Variants in RBFOX3 observed in about 807,000 individuals in gnomAD.
The protein encoded by RBFOX3 is RNA binding fox-1 homolog 3.
In RBFOX3, 17 loss-of-function variants were observed where a neutral mutation model predicts 48.7. The observed-to-expected ratio is 0.35, with a 90% CI of 0.24 to 0.52. The LOEUF (loss-of-function observed/expected upper bound fraction) is 0.52, where lower values mean the gene tolerates loss of function less well. RBFOX3 is among the 20% of genes least tolerant of loss of function. The pLI, the probability that RBFOX3 is intolerant of heterozygous loss-of-function variation, is 0.94. For synonymous variants in RBFOX3, 212 were observed against 209.5 expected, an observed-to-expected ratio of 1.01 and a Z score of -0.10; for missense variants, 382 against 497.5, an observed-to-expected ratio of 0.77 and a Z score of 2.21.
chr17:79,607,731 G>C (rs1468865301), intron 1 of RBFOX3, among the ~76,000 whole-genome samples: 5 of 152,336 alleles, frequency 3.3e-5, no homozygotes, highest in African/African-American at 1.2e-4. Context: ...AGGGCTGAAT[G>C]TGGCTGGGAG....
chr17:79,214,014 C>T lies in RBFOX3; in HGVS notation c.-34+21752G>A, dbSNP rs1012053053. 3.3e-5 allele frequency among the ~76,000 whole-genome samples: 5 copies of T among 152,182 alleles called. No individual in the cohort carries two copies. The highest frequency in any genetic ancestry group is 2.0e-4 in the Admixed American group (3 of 15,284). On this transcript the variant is annotated intron_variant, in intron 4 of 14. Transcript: ENST00000693108. The surrounding 1 kb of genome is among the most constrained non-coding windows in gnomAD (Gnocchi z 4.7). ...AGCGGATCAGACTTGGTTCCGTTTCCGAAGGTGGTGCCAGCGGATGTTGGG... is the reference window on the plus strand; with the variant it reads ...AGCGGATCAGACTTGGTTCCGTTTCTGAAGGTGGTGCCAGCGGATGTTGGG...
chr17:79,176,990 G>A (rs2050697969), intron 4 of RBFOX3, among the ~76,000 whole-genome samples: 1 of 152,196 alleles, frequency 6.6e-6, no homozygotes, highest in South Asian at 2.1e-4. Flanking sequence ...CCCAGCTGCT[G>A]TCCCGGTCTG....
intron 1 of RBFOX3, among the ~76,000 whole-genome samples, chr17:79,505,791 T>C (rs2083027353): frequency 6.6e-6 from 1 of 152,234 alleles, no homozygotes; most frequent in Non-Finnish European, 1.5e-5. Context: ...GACCATGATA[T>C]TGATCTCTAT....
At chr17:79,324,838 G>A (rs570106841) in intron 2 of RBFOX3, among the ~76,000 whole-genome samples, 3 of 152,206 alleles carry the variant, frequency 2.0e-5, no homozygotes, top group Non-Finnish European at 4.4e-5. Flanking sequence ...CTCAGCCTCT[G>A]GGCAGGCAGA....
intron 1 of RBFOX3, among the ~76,000 whole-genome samples, chr17:79,559,677 G>T (rs1599156094): frequency 6.7e-6 from 1 of 148,520 alleles, no homozygotes; most frequent in African/African-American, 2.5e-5. Context: ...GTGGGTGGAT[G>T]GATGAGTGGG....
chr17:79,555,517 G>T (rs1184285567), intron 1 of RBFOX3, among the ~76,000 whole-genome samples: 1 of 135,628 alleles, frequency 7.4e-6, no homozygotes, highest in African/African-American at 3.0e-5. Flanking sequence ...GGTGATGGTG[G>T]TGGTGATGGT....
At chr17:79,552,623 ATAATGATT>A (rs2091262206) in intron 1 of RBFOX3, among the ~76,000 whole-genome samples, 8 of 152,216 alleles carry the variant, frequency 5.3e-5, no homozygotes, top group African/African-American at 1.9e-4. Flanking sequence ...TTCTTGAATT[ATAATGATT>A]CCATTGTAAT....
chr17:79,271,077 AT>A (rs1002898404), intron 3 of RBFOX3, among the ~76,000 whole-genome samples: 2,110 of 77,390 alleles, frequency 0.027, 44 homozygotes, highest in African/African-American at 0.073. Flanking sequence ...AATTCATAAG[AT>A]TTTTTTTTTT....
rs1198338745 is a variant in RBFOX3, at chr17:79,205,114, A to G, written c.-34+30652T>C. Among the ~76,000 whole-genome samples, 2 of 152,154 alleles carry G rather than the reference A, an allele frequency of 1.3e-5. No homozygotes were observed. The highest frequency in any genetic ancestry group is 4.8e-5 in the African/African-American group (2 of 41,436). The stretch of plus-strand genomic sequence containing the variant: ...AAGGAAGACCAGGTAGGGCTTAGGA[A>G]TGCACTGCAATATTTATAATGATAG... On this transcript the variant is annotated intron_variant, in intron 4 of 14. Coordinates refer to ENST00000693108, the MANE Select transcript of RBFOX3 (RefSeq NM_001350451.2). This position sits in a 1 kb window ranked among gnomAD's most constrained non-coding sequence, Gnocchi z 4.5.
chr17:79,142,672 G>C (rs1006867689), intron 4 of RBFOX3, among the ~76,000 whole-genome samples: 5 of 152,172 alleles, frequency 3.3e-5, no homozygotes, highest in African/African-American at 1.2e-4. Flanking sequence ...CAGCTGGGGG[G>C]TGCCGGGGGT....
chr17:79,220,262 G>C lies in RBFOX3; in HGVS notation c.-34+15504C>G, dbSNP rs189478563. On this transcript the variant is annotated intron_variant, in intron 4 of 14. Transcript: ENST00000693108. This position sits in a 1 kb window ranked among gnomAD's most constrained non-coding sequence, Gnocchi z 5.9. ...GGGGAGGAGACCCAATCAGGGAAGC[G>C]GCCGCTGGCGGCAGGTTGGTGGGGG... 4.6e-3 allele frequency among the ~76,000 whole-genome samples: 697 copies of C among 152,324 alleles called. 3 individuals are homozygous for C. The highest frequency in any genetic ancestry group is 0.016 in the African/African-American group (671 of 41,570).
At chr17:79,336,164 A>G (rs1051899167) in intron 2 of RBFOX3, among the ~76,000 whole-genome samples, 1 of 152,076 alleles carries the variant, frequency 6.6e-6, no homozygotes, top group Admixed American at 6.6e-5. Flanking sequence ...AGGTGAGTGG[A>G]TCACCTGAGG....
intron 2 of RBFOX3, among the ~76,000 whole-genome samples, chr17:79,342,012 C>T (rs1390977308): frequency 2.6e-5 from 4 of 152,248 alleles, no homozygotes; most frequent in Non-Finnish European, 5.9e-5. Flanking sequence ...GCCCCCTCCC[C>T]GGCCCCCTCC....
intron 4 of RBFOX3, among the ~76,000 whole-genome samples, chr17:79,229,090 G>A (rs1454579262): frequency 2.6e-5 from 4 of 151,494 alleles, no homozygotes; most frequent in Admixed American, 6.6e-5. Context: ...GTAGCCAGGC[G>A]TGGTGGCATA....
rs1439919959 is a variant in RBFOX3, at chr17:79,364,593, C to T, written c.-174-56769G>A. 1.3e-5 allele frequency among the ~76,000 whole-genome samples: 2 copies of T among 152,120 alleles called. No individual in the cohort carries two copies. Among genetic ancestry groups the T allele is most frequent in the Non-Finnish European group, 2.9e-5 (2 of 68,026 alleles). On this transcript the variant is annotated intron_variant, in intron 2 of 14. Transcript: ENST00000693108. The surrounding 1 kb of genome is among the most constrained non-coding windows in gnomAD (Gnocchi z 5.1). ...TGAAAAGATGCGTAAGACAAAGGGG[C>T]CAGGGGTTGAAGGATGAGGGTGTGC...
At chr17:79,532,043 C>T (rs2087867735) in intron 1 of RBFOX3, among the ~76,000 whole-genome samples, 1 of 152,228 alleles carries the variant, frequency 6.6e-6, no homozygotes, top group Non-Finnish European at 1.5e-5. Flanking sequence ...GTCAGGTTCC[C>T]ACAAAGTGAG....
intron 2 of RBFOX3, among the ~76,000 whole-genome samples, chr17:79,373,040 G>T (rs569081838): frequency 6.6e-6 from 1 of 152,182 alleles, no homozygotes; most frequent in Non-Finnish European, 1.5e-5. Context: ...CTCACTCCTC[G>T]GAAGAGGAAG....
rs1555722062 is a variant in RBFOX3 at position 79,421,097 on chromosome 17, C to T, written c.-175+61357G>A. On this transcript the variant is annotated intron_variant, in intron 2 of 14. Transcript: ENST00000693108. This position sits in a 1 kb window ranked among gnomAD's most constrained non-coding sequence, Gnocchi z 4.5. ...GCCTTCCCTGCTGGGTGAGCCTCCCCAGGTGCTGTCAAACATCAGTGCCAG... is the reference window on the plus strand; with the variant it reads ...GCCTTCCCTGCTGGGTGAGCCTCCCTAGGTGCTGTCAAACATCAGTGCCAG... Among the ~76,000 whole-genome samples the T allele has an allele frequency of 6.6e-6, 1 of 152,146 alleles. No homozygotes were observed. The highest frequency in any genetic ancestry group is 2.4e-5 in the African/African-American group (1 of 41,436).
chr17:79,254,322 C>T lies in RBFOX3; in HGVS notation c.-73-18517G>A, dbSNP rs1042579628. 2.0e-4 allele frequency among the ~76,000 whole-genome samples: 31 copies of T among 152,152 alleles called. No individual in the cohort carries two copies. The highest frequency in any genetic ancestry group is 9.8e-4 in the Admixed American group (15 of 15,282). Reference sequence around the variant, plus strand: ...GCCTCGTTCAGAACCCTGCCCACCCCGCAACCCCCAGGTGGCAGCAGGTGA... The same window carrying T: ...GCCTCGTTCAGAACCCTGCCCACCCTGCAACCCCCAGGTGGCAGCAGGTGA... On this transcript the variant is annotated intron_variant, in intron 3 of 14. Coordinates refer to ENST00000693108, the MANE Select transcript of RBFOX3 (RefSeq NM_001350451.2). The surrounding 1 kb of genome is among the most constrained non-coding windows in gnomAD (Gnocchi z 4.8).
Sources: gnomAD v4.1 joint callset for allele counts (sites outside exome capture counted in the v4.1 genomes callset) on GRCh38, gnomAD v4.1.1 for gene constraint, Gnocchi (gnomAD v3.1) non-coding constraint, MANE v1.5 for transcripts, NCBI Gene and HGNC (gene_info 2026-07-23, HGNC 2026-07-21) for gene names.